The following SLC44A5 variants were observed in gnomAD, a reference collection of about 807,000 sequenced individuals.
SLC44A5 encodes choline transporter-like protein 5.
A neutral mutation model predicts 101.8 loss-of-function variants in SLC44A5; 57 were observed. That is an observed-to-expected ratio of 0.56 (90% CI 0.45 to 0.70). The LOEUF (loss-of-function observed/expected upper bound fraction) is 0.70, where lower values mean the gene tolerates loss of function less well. SLC44A5 is among the 30% of genes least tolerant of loss of function. SLC44A5 has a pLI of 0.00. For missense variants in SLC44A5, 737 were observed against 853.1 expected (o/e 0.86, Z 1.70); for synonymous variants, 281 against 290.9 (o/e 0.97, Z 0.35).
chr1:75,459,690 A>G (rs531686373), intron 2 of SLC44A5, among the ~76,000 whole-genome samples: 1 of 152,342 alleles, frequency 6.6e-6, no homozygotes, highest in African/African-American at 2.4e-5. Context: ...CCAGAATGTC[A>G]TCTTATCAGC....
At chr1:75,723,149 G>GAC in the SLC44A5 span, among the ~76,000 whole-genome samples, 4 of 152,186 alleles carry the variant, frequency 2.6e-5, no homozygotes, top group African/African-American at 9.7e-5. Context: ...ATGGAAACCG[G>GAC]ACACGGTAGT....
chr1:75,362,427 T>C (rs936180787), intron 3 of SLC44A5, among the ~76,000 whole-genome samples: 1 of 152,024 alleles, frequency 6.6e-6, no homozygotes, highest in African/African-American at 2.4e-5. Context: ...CATTTATTGC[T>C]ATGAATTTCC....
At chr1:75,527,971 C>T (rs537057344) in intron 2 of SLC44A5, among the ~76,000 whole-genome samples, 24 of 152,308 alleles carry the variant, frequency 1.6e-4, no homozygotes, top group African/African-American at 5.3e-4. Flanking sequence ...ACTTGACATG[C>T]ATTATGTGTC....
intron 4 of SLC44A5, among the ~76,000 whole-genome samples, chr1:75,316,202 A>T (rs895510457): frequency 2.6e-5 from 4 of 152,194 alleles, no homozygotes; most frequent in Admixed American, 2.0e-4. Flanking sequence ...TCTCACATAC[A>T]ACCTTTGCAT....
chr1:75,494,365 G>C (rs1296532701), intron 2 of SLC44A5, among the ~76,000 whole-genome samples: 1 of 152,050 alleles, frequency 6.6e-6, no homozygotes, highest in African/African-American at 2.4e-5. Context: ...ACTTCTCCCT[G>C]GAAGAACCTG....
At chr1:75,520,496 G>A (rs967871364) in intron 2 of SLC44A5, among the ~76,000 whole-genome samples, 6 of 152,120 alleles carry the variant, frequency 3.9e-5, no homozygotes, top group African/African-American at 1.4e-4. Flanking sequence ...ATGAATGGGG[G>A]CATGAACAGA....
chr1:75,618,763 C>G, the SLC44A5 span, among the ~76,000 whole-genome samples: 1 of 152,132 alleles, frequency 6.6e-6, no homozygotes, highest in South Asian at 2.1e-4. Flanking sequence ...CCAAACATAT[C>G]CAAACATAGA....
intron 2 of SLC44A5, among the ~76,000 whole-genome samples, chr1:75,472,970 C>T (rs183624674): frequency 1.3e-5 from 2 of 152,324 alleles, no homozygotes; most frequent in East Asian, 3.9e-4. Flanking sequence ...TCATCTCCCT[C>T]AACCTCAAAG....
chr1:75,274,826 G>A, intron 6 of SLC44A5, 132 bp downstream of exon 6: 6 of 697,120 alleles, frequency 8.6e-6, no homozygotes, highest in Non-Finnish European at 1.5e-5. Flanking sequence ...CTATCTGTTA[G>A]AAAAAAGGGA....
At chr1:75,232,450 T>C (rs1439996170) in intron 12 of SLC44A5, among the ~76,000 whole-genome samples, 1 of 152,116 alleles carries the variant, frequency 6.6e-6, no homozygotes, top group Non-Finnish European at 1.5e-5. Context: ...AAACAACTTT[T>C]TTTTTTGCAG....
the SLC44A5 span, among the ~76,000 whole-genome samples, chr1:75,623,967 C>A: frequency 6.6e-6 from 1 of 152,212 alleles, no homozygotes; most frequent in Non-Finnish European, 1.5e-5. Flanking sequence ...TTCTAAATAC[C>A]ATCATTCACT....
intron 2 of SLC44A5, among the ~76,000 whole-genome samples, chr1:75,482,571 T>C (rs1667933980): frequency 6.6e-6 from 1 of 152,138 alleles, no homozygotes; most frequent in African/African-American, 2.4e-5. Context: ...ATGTTTCAGT[T>C]TCCTTGTCTG....
chr1:75,670,009 C>A, the SLC44A5 span, among the ~76,000 whole-genome samples: 5 of 152,110 alleles, frequency 3.3e-5, no homozygotes, highest in African/African-American at 1.2e-4. Context: ...ACTTACTATA[C>A]AAATTAGAAT....
intron 6 of SLC44A5, among the ~76,000 whole-genome samples, chr1:75,254,867 T>A (rs1314230597): frequency 6.6e-6 from 1 of 152,098 alleles, no homozygotes; most frequent in Non-Finnish European, 1.5e-5. Flanking sequence ...ATGCTTAGAA[T>A]ACCAGCATCC....
At chr1:75,227,684 C>T in intron 13 of SLC44A5, 42 bp downstream of exon 13, 1 of 1,488,686 alleles carries the variant, frequency 6.7e-7, no homozygotes, top group Non-Finnish European at 8.9e-7. Flanking sequence ...GATATTTTCT[C>T]ATTATTACAA....
intron 7 of SLC44A5, among the ~76,000 whole-genome samples, chr1:75,245,812 C>T (rs557064606): frequency 3.3e-5 from 5 of 152,162 alleles, no homozygotes; most frequent in Non-Finnish European, 5.9e-5. Context: ...CTTTCTCCCT[C>T]TATCAGACCA....
chr1:75,272,379 T>C (rs1220845948), intron 6 of SLC44A5, among the ~76,000 whole-genome samples: 1 of 151,818 alleles, frequency 6.6e-6, no homozygotes, highest in Admixed American at 6.6e-5. Flanking sequence ...AAGATAGATA[T>C]TGTATCATGA....
At chr1:75,642,215 G>C in the SLC44A5 span, 1 of 553,010 alleles carries the variant, frequency 1.8e-6, no homozygotes, top group Admixed American at 3.6e-5. Flanking sequence ...GCTTGTTTCT[G>C]CTTATACAAT....
chr1:75,213,281 T>C (rs531496413), intron 22 of SLC44A5, among the ~76,000 whole-genome samples: 1 of 152,292 alleles, frequency 6.6e-6, no homozygotes, highest in South Asian at 2.1e-4. Context: ...TTTGCTATCA[T>C]TACTATTTCT....
Sources: allele counts gnomAD v4.1 joint callset (sites outside exome capture counted in the v4.1 genomes callset), GRCh38; gene constraint gnomAD v4.1.1; transcripts MANE v1.5; gene names NCBI Gene and HGNC (gene_info 2026-07-23, HGNC 2026-07-21).